MSRA: variants seen among roughly 807,000 people sequenced by gnomAD.
MSRA encodes the protein methionine sulfoxide reductase A.
MSRA carries 54 observed loss-of-function variants against 31.3 expected under a neutral mutation model. The observed-to-expected ratio is 1.73, with a 90% CI of 1.39 to 2.17. The LOEUF (loss-of-function observed/expected upper bound fraction) is 2.17. Ranked by LOEUF, MSRA falls within the 30% of genes most tolerant of loss-of-function variation. The probability of loss-of-function intolerance (pLI) is 0.00; values close to 1 mark genes in which losing one functional copy is unlikely to be tolerated. For synonymous variants in MSRA, 169 were observed against 116.5 expected (o/e 1.45, Z -2.90); for missense variants, 507 against 300.9 (o/e 1.69, Z -5.07).
rs371721113 is a variant in MSRA, at chr8:10,428,049, A to C, written c.544-99A>C. On this transcript the variant is annotated intron_variant, in intron 5 of 5. Transcript: ENST00000317173. ...GGGGACCCACTGCACATCCCAAGCC[A>C]CGCGTCTGCTCACTGCAGCCCTGGC... The C allele has an allele frequency of 2.5e-5, 33 of 1,331,522 alleles. No individual in the cohort carries two copies. The African/African-American group carries it at 4.4e-4, about 18-fold the overall frequency. The allele number at this position is 1,331,522 out of a possible 1,614,324, so 82.5% of individuals were successfully genotyped here. A position where few individuals can be genotyped will look rare whatever the true frequency, so the allele number is the denominator to read the frequency against.
intron 5 of MSRA, among the ~76,000 whole-genome samples, chr8:10,329,345 G>A (rs767391842): frequency 8.8e-4 from 134 of 152,300 alleles, no homozygotes; most frequent in Non-Finnish European, 9.0e-4. Flanking sequence ...AGCGTCTGGT[G>A]GGTGCCACCA....
At chr8:10,361,307 A>G (rs1479619266) in intron 5 of MSRA, among the ~76,000 whole-genome samples, 1 of 152,188 alleles carries the variant, frequency 6.6e-6, no homozygotes, top group Admixed American at 6.5e-5. Flanking sequence ...TAATGCCTAC[A>G]TCTGCCTCCA....
chr8:10,087,264 A>G (rs1330611272), intron 1 of MSRA, among the ~76,000 whole-genome samples: 1 of 152,172 alleles, frequency 6.6e-6, no homozygotes, highest in Non-Finnish European at 1.5e-5. Flanking sequence ...ACTCATGAAC[A>G]GGTTGTTTCC....
intron 3 of MSRA, among the ~76,000 whole-genome samples, chr8:10,294,346 G>A (rs993284252): frequency 4.6e-5 from 7 of 152,262 alleles, no homozygotes; most frequent in East Asian, 1.9e-4. Flanking sequence ...AGGTGATACC[G>A]GCTGAGTTAT....
chr8:10,239,371 A>C (rs745556700), intron 2 of MSRA, among the ~76,000 whole-genome samples: 1 of 152,208 alleles, frequency 6.6e-6, no homozygotes, highest in Non-Finnish European at 1.5e-5. Context: ...CATATTGGCC[A>C]GGATGGCCTC....
intron 1 of MSRA, among the ~76,000 whole-genome samples, chr8:10,126,416 C>T (rs1172276071): frequency 6.6e-6 from 1 of 152,176 alleles, no homozygotes; most frequent in South Asian, 2.1e-4. Flanking sequence ...GGACTGGTTT[C>T]ATGGAAGACA....
In MSRA at chr8:10,378,384, C is replaced by A. The variant is rs945506080; in HGVS notation, c.544-49764C>A. On this transcript the variant is annotated intron_variant, in intron 5 of 5. Coordinates refer to ENST00000317173, the MANE Select transcript of MSRA (RefSeq NM_012331.5). ...TCTTTAGGGAGCCCTGCAGTCTGGC[C>A]CCATGGCACCCCAGAAACTAGGAGG... Among the ~76,000 whole-genome samples, 5 of 152,156 alleles carry A rather than the reference C, an allele frequency of 3.3e-5. No individual in the cohort carries two copies. The East Asian group carries it at 9.6e-4, about 29-fold the overall frequency.
At chr8:10,136,408 C>G (rs986682923) in intron 1 of MSRA, among the ~76,000 whole-genome samples, 1 of 152,228 alleles carries the variant, frequency 6.6e-6, no homozygotes, top group Non-Finnish European at 1.5e-5. Flanking sequence ...CTAGCAAGCT[C>G]TGAGCTCCTT....
rs375632939 is a variant in MSRA, at chr8:10,428,489, G to A, written c.*177G>A. 1.5e-6 allele frequency: 1 copy of A among 648,750 alleles called. No individual in the cohort carries two copies. The highest frequency in any genetic ancestry group is 2.6e-6 in the Non-Finnish European group (1 of 386,320). The allele number at this position is 648,750 out of a possible 1,614,324, so 40.2% of individuals were successfully genotyped here. On this transcript the variant is annotated 3_prime_UTR_variant, in exon 6 of 6. Transcript: ENST00000317173. ...AGGCGCGATGGCAAGTTGATAAAAT[G>A]TGACTTATCTCCTAATAAGTTATGG... is the stretch of plus-strand genomic sequence containing the variant.
At chr8:10,232,791 A>G (rs796591965) in intron 2 of MSRA, among the ~76,000 whole-genome samples, 10 of 152,360 alleles carry the variant, frequency 6.6e-5, no homozygotes, top group African/African-American at 2.4e-4. Flanking sequence ...CTAAATAAAA[A>G]CAATCCAGTA....
chr8:10,394,530 C>G (rs936077256), intron 5 of MSRA, among the ~76,000 whole-genome samples: 1 of 152,272 alleles, frequency 6.6e-6, no homozygotes, highest in African/African-American at 2.4e-5. Context: ...TCTATATCAT[C>G]TCACTTGATT....
intron 1 of MSRA, among the ~76,000 whole-genome samples, chr8:10,113,566 G>A (rs1800457424): frequency 6.6e-6 from 1 of 151,516 alleles, no homozygotes; most frequent in Middle Eastern, 3.2e-3. Flanking sequence ...GAGAAGTGGT[G>A]GGCTTGGAGA....
intron 5 of MSRA, among the ~76,000 whole-genome samples, chr8:10,419,782 A>G (rs967681165): frequency 1.3e-5 from 2 of 152,156 alleles, no homozygotes; most frequent in Non-Finnish European, 2.9e-5. Context: ...CTCTCTTGCC[A>G]TCAGGTGACC....
At chr8:10,352,218 C>A (rs918587657) in intron 5 of MSRA, among the ~76,000 whole-genome samples, 4 of 152,038 alleles carry the variant, frequency 2.6e-5, no homozygotes, top group Non-Finnish European at 4.4e-5. Flanking sequence ...GGGTTCAGTT[C>A]GTGTAGTGAA....
At chr8:10,091,937 T>G (rs1014605976) in intron 1 of MSRA, among the ~76,000 whole-genome samples, 15 of 152,100 alleles carry the variant, frequency 9.9e-5, no homozygotes, top group African/African-American at 3.6e-4. Flanking sequence ...TTGAGGAACC[T>G]CCATACTGTT....
At chr8:10,148,214 A>G (rs554016700) in intron 1 of MSRA, among the ~76,000 whole-genome samples, 1 of 152,320 alleles carries the variant, frequency 6.6e-6, no homozygotes, top group African/African-American at 2.4e-5. Context: ...AACCTTCTTA[A>G]CTAATGTGAT....
At chr8:10,210,894 C>T (rs1180239245) in intron 2 of MSRA, among the ~76,000 whole-genome samples, 1 of 151,620 alleles carries the variant, frequency 6.6e-6, no homozygotes, top group Non-Finnish European at 1.5e-5. Context: ...TCACCACGCT[C>T]ACCTTTTTTT....
chr8:10,186,618 A>G (rs984620290), intron 1 of MSRA, among the ~76,000 whole-genome samples: 1 of 152,204 alleles, frequency 6.6e-6, no homozygotes, highest in Non-Finnish European at 1.5e-5. Context: ...ACCTTTGGGT[A>G]AAATCATCAC....
chr8:10,125,826 T>A (rs1793465721), intron 1 of MSRA, among the ~76,000 whole-genome samples: 1 of 152,268 alleles, frequency 6.6e-6, no homozygotes, highest in Non-Finnish European at 1.5e-5. Flanking sequence ...TCACAGAAAT[T>A]GATACCAATA....
Sources: gnomAD v4.1 joint callset for allele counts (sites outside exome capture counted in the v4.1 genomes callset) on GRCh38, gnomAD v4.1.1 for gene constraint, MANE v1.5 for transcripts, NCBI Gene and HGNC (gene_info 2026-07-23, HGNC 2026-07-21) for gene names.